Variants in BCL2 observed in about 807,000 individuals in gnomAD.
BCL2 encodes BCL2 apoptosis regulator.
A neutral mutation model predicts 14.2 loss-of-function variants in BCL2; 1 was observed. The observed-to-expected ratio is 0.07, with a 90% CI of 0.02 to 0.33. The LOEUF is 0.33. Ranked by LOEUF, BCL2 falls within the 10% of genes least tolerant of loss-of-function variation. The pLI, the probability that BCL2 is intolerant of heterozygous loss-of-function variation, is 0.99. For missense variants in BCL2, 247 were observed against 305.9 expected (o/e 0.81, Z 1.44); for synonymous variants, 151 against 137.2 (o/e 1.10, Z -0.70).
chr18:63,174,129 T>C (rs1915293702), intron 2 of BCL2, among the ~76,000 whole-genome samples: 1 of 152,180 alleles, frequency 6.6e-6, no homozygotes, highest in Admixed American at 6.5e-5. Context: ...TATAGACACA[T>C]ACACATATGT....
chr18:63,233,890 A>C (rs149031928), intron 2 of BCL2, among the ~76,000 whole-genome samples: 1 of 152,290 alleles, frequency 6.6e-6, no homozygotes, highest in East Asian at 1.9e-4. Flanking sequence ...CTGTTAAAAA[A>C]TATTTTTAAA....
intron 2 of BCL2, among the ~76,000 whole-genome samples, chr18:63,190,358 A>G (rs898121573): frequency 3.3e-5 from 5 of 152,254 alleles, no homozygotes; most frequent in African/African-American, 1.2e-4. Flanking sequence ...AATACAAATG[A>G]TAGCCCATTC....
chr18:63,156,171 A>G lies in BCL2; in HGVS notation c.586-27412T>C, dbSNP rs559464358. 7.3e-5 allele frequency among the ~76,000 whole-genome samples: 11 copies of G among 151,662 alleles called. No individual in the cohort carries two copies. In the South Asian group the frequency reaches 1.7e-3, roughly 23 times the overall value. ...TGTTCAAAGAGGAGAAGAAAGCAAGAGCCAACATAGAGTCTTGCCCAGCAA... is the reference window on the plus strand; with the variant it reads ...TGTTCAAAGAGGAGAAGAAAGCAAGGGCCAACATAGAGTCTTGCCCAGCAA... On this transcript the variant is annotated intron_variant, in intron 2 of 2. Transcript: ENST00000333681.
At chr18:63,134,686 G>A (rs1205780444) in intron 2 of BCL2, among the ~76,000 whole-genome samples, 4 of 152,160 alleles carry the variant, frequency 2.6e-5, no homozygotes, top group African/African-American at 9.7e-5. Flanking sequence ...TGTCCCCAAA[G>A]AGCTTACACT....
chr18:63,260,106 T>C (rs1289142732), intron 2 of BCL2, among the ~76,000 whole-genome samples: 1 of 152,236 alleles, frequency 6.6e-6, no homozygotes, highest in Non-Finnish European at 1.5e-5. Flanking sequence ...ATCTGCTTTT[T>C]TTTTTCTTGG....
intron 2 of BCL2, among the ~76,000 whole-genome samples, chr18:63,236,889 T>C (rs1394686243): frequency 6.6e-6 from 1 of 152,100 alleles, no homozygotes; most frequent in African/African-American, 2.4e-5. Flanking sequence ...AATTGAGGAG[T>C]AGACTACCAT....
At chr18:63,160,694 C>G (rs1914898296) in intron 2 of BCL2, among the ~76,000 whole-genome samples, 1 of 152,120 alleles carries the variant, frequency 6.6e-6, no homozygotes, top group Non-Finnish European at 1.5e-5. Flanking sequence ...ATTTTTAGGT[C>G]CCTCCAACCA....
chr18:63,272,679 TAGAC>T (rs1215020147), intron 2 of BCL2, among the ~76,000 whole-genome samples: 2 of 152,330 alleles, frequency 1.3e-5, no homozygotes, highest in Admixed American at 6.5e-5. Context: ...TGTTCAGACT[TAGAC>T]TGACACTTTA....
chr18:63,260,376 A>T (rs1194534564), intron 2 of BCL2, among the ~76,000 whole-genome samples: 2 of 152,212 alleles, frequency 1.3e-5, no homozygotes, highest in Non-Finnish European at 2.9e-5. Flanking sequence ...TGGATTTATT[A>T]TGTAAATTGT....
At chr18:63,285,821 C>T (rs1912455653) in intron 2 of BCL2, among the ~76,000 whole-genome samples, 1 of 152,170 alleles carries the variant, frequency 6.6e-6, no homozygotes, top group African/African-American at 2.4e-5. Flanking sequence ...TCTCACTCAA[C>T]TTGATTTAGC....
chr18:63,257,946 C>T (rs1219355985), intron 2 of BCL2, among the ~76,000 whole-genome samples: 8 of 152,016 alleles, frequency 5.3e-5, no homozygotes, highest in Admixed American at 4.6e-4. Flanking sequence ...AATTATGTCC[C>T]CTCAAAAGAT....
At chr18:63,306,999 C>T (rs1284548987) in intron 2 of BCL2, among the ~76,000 whole-genome samples, 1 of 152,140 alleles carries the variant, frequency 6.6e-6, no homozygotes, top group Non-Finnish European at 1.5e-5. Flanking sequence ...CTCTCACTTC[C>T]CACTTCCCCA....
chr18:63,244,724 A>T (rs76689098), intron 2 of BCL2, among the ~76,000 whole-genome samples: 3 of 152,180 alleles, frequency 2.0e-5, no homozygotes, highest in African/African-American at 7.2e-5. Context: ...AGTTCATTTC[A>T]TCCGTCCTAG....
At chr18:63,184,473 T>C (rs1205499171) in intron 2 of BCL2, among the ~76,000 whole-genome samples, 1 of 152,238 alleles carries the variant, frequency 6.6e-6, no homozygotes, top group African/African-American at 2.4e-5. Context: ...CTTTGAGGGA[T>C]GAACAGATCA....
At position 63,150,893 on chromosome 18, in the gene BCL2, C is replaced by G. The variant is rs1914635973; in HGVS notation, c.586-22134G>C. 2.0e-5 allele frequency among the ~76,000 whole-genome samples: 3 copies of G among 151,940 alleles called. No individual in the cohort carries two copies. The South Asian group carries it at 6.3e-4, about 32-fold the overall frequency. ...GGTCTCCAACCTCCACTGGGCTACT[C>G]CTGTCATATTTTTCCTAGCAAGACA... On this transcript the variant is annotated intron_variant, in intron 2 of 2. Coordinates refer to ENST00000333681, the MANE Select transcript of BCL2 (RefSeq NM_000633.3).
intron 2 of BCL2, among the ~76,000 whole-genome samples, chr18:63,165,352 C>T (rs570433580): frequency 6.6e-6 from 1 of 152,324 alleles, no homozygotes; most frequent in Admixed American, 6.5e-5. Flanking sequence ...TCTGGGTTTG[C>T]TGCTGTCACT....
intron 2 of BCL2, among the ~76,000 whole-genome samples, chr18:63,252,882 C>A (rs150868918): frequency 6.6e-6 from 1 of 152,254 alleles, no homozygotes; most frequent in African/African-American, 2.4e-5. Flanking sequence ...AGAAACAGAT[C>A]AAGTCTGGAA....
At chr18:63,151,816 A>G (rs1914659541) in intron 2 of BCL2, among the ~76,000 whole-genome samples, 1 of 152,194 alleles carries the variant, frequency 6.6e-6, no homozygotes, top group African/African-American at 2.4e-5. Flanking sequence ...GTTGAAACCA[A>G]ATGCCCCCCA....
At chr18:63,169,284 C>CT (rs1568222337) in intron 2 of BCL2, among the ~76,000 whole-genome samples, 1 of 76,464 alleles carries the variant, frequency 1.3e-5, no homozygotes, top group African/African-American at 7.9e-5. Context: ...TTCTTTCTTT[C>CT]TTTCTTTCTT....
Sources: gnomAD v4.1 joint callset for allele counts (sites outside exome capture counted in the v4.1 genomes callset) on GRCh38, gnomAD v4.1.1 for gene constraint, MANE v1.5 for transcripts, NCBI Gene and HGNC (gene_info 2026-07-23, HGNC 2026-07-21) for gene names.